The following RACGAP1 variants were observed in gnomAD, a reference collection of about 807,000 sequenced individuals.
The protein encoded by RACGAP1 is rac GTPase-activating protein 1.
Under a neutral mutation model 78.1 loss-of-function variants are expected in RACGAP1, and 30 were observed. The ratio of observed to expected loss-of-function variants is 0.38; its 90% CI spans 0.29 to 0.52. The LOEUF is 0.52. Among genes scored for constraint, RACGAP1 ranks in the 20% least tolerant of loss-of-function variants. The pLI is 0.82. For synonymous variants in RACGAP1, 231 were observed against 264.8 expected (o/e 0.87, Z 1.24); for missense variants, 587 against 777.1 (o/e 0.76, Z 2.91).
At chr12:50,023,281 A>C (rs916753980) in intron 1 of RACGAP1, among the ~76,000 whole-genome samples, 1 of 152,232 alleles carries the variant, frequency 6.6e-6, no homozygotes, top group Admixed American at 6.5e-5. Flanking sequence ...GTTTTCTAAA[A>C]GGGATGTACT....
At chr12:50,016,761 G>C (rs771133765) in intron 1 of RACGAP1, 42 bp from the exon 2 acceptor site, 1 of 1,586,732 alleles carries the variant, frequency 6.3e-7, no homozygotes, top group Non-Finnish European at 8.6e-7. Context: ...CTGCCTTCTC[G>C]CCCACAACAA....
chr12:50,026,262 C>T (rs557107350), upstream of RACGAP1, among the ~76,000 whole-genome samples: 2 of 151,870 alleles, frequency 1.3e-5, no homozygotes, highest in East Asian at 1.9e-4. Context: ...CATGGCTACC[C>T]GCAATTTGGA....
At chr12:49,999,858 C>CT (rs1268966497) in intron 7 of RACGAP1, 125 bp from the exon 8 acceptor site, 778 of 691,076 alleles carry the variant, frequency 1.1e-3, no homozygotes, top group South Asian at 7.2e-3. Context: ...CAGTCTGATA[C>CT]TTTTTTTTTG....
chr12:50,027,571 T>C (rs572934631), upstream of RACGAP1, among the ~76,000 whole-genome samples: 1 of 152,224 alleles, frequency 6.6e-6, no homozygotes, highest in Non-Finnish European at 1.5e-5. Context: ...CTCATGCCTG[T>C]AATCCCAGCA....
At chr12:50,016,214 T>C (rs1177545168) in intron 2 of RACGAP1, among the ~76,000 whole-genome samples, 4 of 152,000 alleles carry the variant, frequency 2.6e-5, no homozygotes, top group African/African-American at 9.7e-5. Context: ...AAATCCCGTC[T>C]CTACTAAAAA....
At chr12:49,991,479 A>ATATATATATAT (rs1555169074) in intron 15 of RACGAP1, among the ~76,000 whole-genome samples, 5 of 24,090 alleles carry the variant, frequency 2.1e-4, no homozygotes, top group Admixed American at 5.7e-4. Context: ...ATATATATAT[A>ATATATATATAT]TTTTTTTTTT....
At chr12:49,996,658 A>AAAAAAAAAAAAAAAG in intron 10 of RACGAP1, among the ~76,000 whole-genome samples, 1 of 137,624 alleles carries the variant, frequency 7.3e-6, no homozygotes, top group Non-Finnish European at 1.6e-5. Context: ...AAAAAAAAAA[A>AAAAAAAAAAAAAAAG]AAAAAAAAAA....
In RACGAP1 at chr12:50,005,345, A is replaced by C. The variant is rs1948910139; in HGVS notation, c.336T>G (p.Ser112=). The C allele has an allele frequency of 6.2e-7, 1 of 1,614,226 alleles. No homozygotes were observed. The highest frequency in any genetic ancestry group is 8.5e-7 in the Non-Finnish European group (1 of 1,180,032). Residue 112 remains serine, a synonymous_variant, in exon 4 of 17, where the codon TCT becomes TCG. Transcript: ENST00000312377. ...LIREMLMCDT[S]GSIQLSEEQK... ...GCTCCTCGCTTAGTTGAATGCTGCC[A>C]GATGTGTCACACATGAGCATCTCTC...
At chr12:50,014,098 CA>C (rs1183109794) in intron 2 of RACGAP1, among the ~76,000 whole-genome samples, 3 of 151,572 alleles carry the variant, frequency 2.0e-5, no homozygotes, top group Admixed American at 6.6e-5. Context: ...TCAATCAATT[CA>C]AAAAAAATAT....
At chr12:50,017,566 T>G (rs1369885968) in intron 1 of RACGAP1, among the ~76,000 whole-genome samples, 1 of 152,112 alleles carries the variant, frequency 6.6e-6, no homozygotes, top group African/African-American at 2.4e-5. Flanking sequence ...TTTGAGGAAA[T>G]AAGATCTTCA....
chr12:49,992,413 C>G, intron 13 of RACGAP1, 36 bp from the exon 14 acceptor site: 1 of 1,606,394 alleles, frequency 6.2e-7, no homozygotes, highest in Non-Finnish European at 8.5e-7. Context: ...AGTCTTGCTC[C>G]TTGCTTAAAT....
Position 49,992,537 on chromosome 12 carries a change from C to G in RACGAP1, c.1445+13G>C. 1 of 1,610,874 alleles carries G rather than the reference C, an allele frequency of 6.2e-7. No homozygotes were observed. Among genetic ancestry groups the G allele is most frequent in the Non-Finnish European group, 8.5e-7 (1 of 1,178,410 alleles). Reference sequence around the variant, plus strand: ...ATTCCCTAACTCCCAGAACAAGTTTCTGCTGTACTCACCTCTGCAAGTGAA... The same window carrying G: ...ATTCCCTAACTCCCAGAACAAGTTTGTGCTGTACTCACCTCTGCAAGTGAA... On this transcript the variant is annotated intron_variant, in intron 13 of 16. Transcript: ENST00000312377.
chr12:50,018,552 T>C, intron 1 of RACGAP1: 1 of 1,288,874 alleles, frequency 7.8e-7, no homozygotes. Context: ...GGCAGGACAT[T>C]GGGTAGTCAA....
At chr12:50,000,470 T>C (rs1948606997) in intron 7 of RACGAP1, among the ~76,000 whole-genome samples, 1 of 151,970 alleles carries the variant, frequency 6.6e-6, no homozygotes, top group Non-Finnish European at 1.5e-5. Context: ...CATTCTTATG[T>C]TGAAATCTGA....
chr12:49,992,652 AT>A lies in RACGAP1; in HGVS notation c.1342del (p.Ile448SerfsTer8). On this transcript the variant is annotated frameshift_variant and splice_region_variant, in exon 13 of 17. Coordinates refer to ENST00000312377, the MANE Select transcript of RACGAP1 (RefSeq NM_001319999.2). LOFTEE classifies it high-confidence loss of function. ...AGCTATGCTGTTGTCTTCATCTGTG[AT>A]TTCTGTAATTGAAAAGAAAGCACCA... Reference protein sequence around the residue: ...LNRAFMEAAEITDEDNSIAAM... With the variant: ...LNRAFMEAAEXTDEDNSIAAM... 1 of 1,607,506 alleles carries A rather than the reference AT, an allele frequency of 6.2e-7. No individual in the cohort carries two copies. The highest frequency in any genetic ancestry group is 8.5e-7 in the Non-Finnish European group (1 of 1,177,782).
At chr12:50,030,468 A>G (rs1295386495), upstream of RACGAP1, among the ~76,000 whole-genome samples, 1 of 152,088 alleles carries the variant, frequency 6.6e-6, no homozygotes, top group Non-Finnish European at 1.5e-5. Flanking sequence ...AGGGTGGATC[A>G]CTTGAGGCCA....
upstream of RACGAP1, among the ~76,000 whole-genome samples, chr12:50,026,722 C>T (rs909608104): frequency 2.0e-5 from 3 of 152,180 alleles, no homozygotes; most frequent in African/African-American, 7.2e-5. Flanking sequence ...GGGTCTTACT[C>T]TGTCACGCAG....
intron 1 of RACGAP1, among the ~76,000 whole-genome samples, chr12:50,032,236 T>C (rs1040514846): frequency 1.3e-5 from 2 of 152,174 alleles, no homozygotes; most frequent in African/African-American, 4.8e-5. Flanking sequence ...CTTAGCACAG[T>C]TCCTGGCCCA....
intron 2 of RACGAP1, among the ~76,000 whole-genome samples, chr12:50,015,508 A>G (rs917904056): frequency 6.6e-6 from 1 of 152,170 alleles, no homozygotes; most frequent in Admixed American, 6.5e-5. Flanking sequence ...TATCTCTACA[A>G]AAAATTTTTA....
Sources: allele counts gnomAD v4.1 joint callset (sites outside exome capture counted in the v4.1 genomes callset), GRCh38; gene constraint gnomAD v4.1.1; transcripts MANE v1.5; gene names NCBI Gene and HGNC (gene_info 2026-07-23, HGNC 2026-07-21).